The following LRFN5 variants were observed in gnomAD, a reference collection of about 807,000 sequenced individuals.
The protein encoded by LRFN5 is leucine rich repeat and fibronectin type III domain containing 5.
Under a neutral mutation model 45.6 loss-of-function variants are expected in LRFN5, and 24 were observed. That is an observed-to-expected ratio of 0.53 (90% CI 0.38 to 0.74). LRFN5 has a LOEUF of 0.74. Among genes scored for constraint, LRFN5 ranks in the 30% least tolerant of loss-of-function variants. The pLI is 0.00. For synonymous variants in LRFN5, 340 were observed against 313.8 expected, an observed-to-expected ratio of 1.08 and a Z score of -0.88; for missense variants, 776 against 861.5, an observed-to-expected ratio of 0.90 and a Z score of 1.24.
intron 2 of LRFN5, among the ~76,000 whole-genome samples, chr14:41,823,572 G>A (rs1200001065): frequency 1.3e-5 from 2 of 152,002 alleles, no homozygotes; most frequent in East Asian, 3.9e-4. Context: ...GCTGGTTCAG[G>A]ACTTTTTCTT....
chr14:41,791,077 T>C (rs1886902261), intron 2 of LRFN5, among the ~76,000 whole-genome samples: 1 of 151,944 alleles, frequency 6.6e-6, no homozygotes, highest in Non-Finnish European at 1.5e-5. Flanking sequence ...TGCTATTTGG[T>C]GATTAAAGAT....
chr14:41,867,362 G>GTT (rs1055009051), intron 2 of LRFN5, among the ~76,000 whole-genome samples: 23 of 152,030 alleles, frequency 1.5e-4, no homozygotes, highest in African/African-American at 5.6e-4. Context: ...CTGTGTGTGT[G>GTT]TGTGGAGGGT....
chr14:41,818,286 A>G (rs1244055269), intron 2 of LRFN5, among the ~76,000 whole-genome samples: 1 of 151,864 alleles, frequency 6.6e-6, no homozygotes, highest in African/African-American at 2.4e-5. Context: ...AATTCATGGT[A>G]CTATTTTTTC....
intron 1 of LRFN5, among the ~76,000 whole-genome samples, chr14:41,639,008 CATT>C (rs1879437491): frequency 6.6e-6 from 1 of 151,870 alleles, no homozygotes. Flanking sequence ...AGGTTGGTGT[CATT>C]ATATTTACAG....
intron 1 of LRFN5, among the ~76,000 whole-genome samples, chr14:41,640,402 G>A (rs1040856338): frequency 6.6e-6 from 1 of 152,004 alleles, no homozygotes. Context: ...CCATATATTC[G>A]TGTAGCTCTA....
chr14:41,899,811 T>G lies in LRFN5; in HGVS notation c.2142+851T>G, dbSNP rs116661375. Among the ~76,000 whole-genome samples, 296 of 152,310 alleles carry G rather than the reference T, an allele frequency of 1.9e-3. 3 individuals are homozygous for G. Among genetic ancestry groups the G allele is most frequent in the African/African-American group, 5.1e-3 (212 of 41,586 alleles). On this transcript the variant is annotated intron_variant, in intron 5 of 5. Coordinates refer to ENST00000298119, the MANE Select transcript of LRFN5 (RefSeq NM_152447.5). The stretch of plus-strand genomic sequence containing the variant: ...AATGAATTCTATCCACAAATCAAAA[T>G]GTTTTCATGCATCATTTCTTTACTG...
chr14:41,894,186 A>G, intron 4 of LRFN5: 1 of 985,242 alleles, frequency 1.0e-6, no homozygotes, highest in Non-Finnish European at 1.2e-6. Flanking sequence ...GATCAAAGAT[A>G]AGGATGCTCT....
chr14:41,625,192 T>G (rs1022150284), intron 1 of LRFN5, among the ~76,000 whole-genome samples: 2 of 152,134 alleles, frequency 1.3e-5, no homozygotes, highest in African/African-American at 4.8e-5. Context: ...AACGTTGATA[T>G]GGTTTGGCTT....
At chr14:41,774,311 A>G (rs1886199469) in intron 2 of LRFN5, among the ~76,000 whole-genome samples, 1 of 152,220 alleles carries the variant, frequency 6.6e-6, no homozygotes, top group South Asian at 2.1e-4. Flanking sequence ...ACTACAGACT[A>G]CACTATGGAG....
At chr14:41,775,463 A>G (rs1202184305) in intron 2 of LRFN5, among the ~76,000 whole-genome samples, 1 of 152,198 alleles carries the variant, frequency 6.6e-6, no homozygotes, top group South Asian at 2.1e-4. Flanking sequence ...ATCCATAATA[A>G]GAATCTGGCT....
chr14:41,699,188 A>G (rs1432323438), intron 1 of LRFN5, among the ~76,000 whole-genome samples: 1 of 152,086 alleles, frequency 6.6e-6, no homozygotes, highest in Non-Finnish European at 1.5e-5. Flanking sequence ...TATTAAAATG[A>G]ATATTCTTAC....
chr14:41,848,568 G>A (rs1208309327), intron 2 of LRFN5, among the ~76,000 whole-genome samples: 1 of 151,958 alleles, frequency 6.6e-6, no homozygotes. Flanking sequence ...TGTTTAGACT[G>A]TAGGAAAGTC....
At chr14:41,741,583 A>G (rs1884693928) in intron 1 of LRFN5, among the ~76,000 whole-genome samples, 1 of 151,746 alleles carries the variant, frequency 6.6e-6, no homozygotes, top group Admixed American at 6.7e-5. Context: ...GACTGAATCA[A>G]TAAATCTACT....
At chr14:41,739,385 AATCATCATC>A (rs60722886) in intron 1 of LRFN5, among the ~76,000 whole-genome samples, 179 of 148,422 alleles carry the variant, frequency 1.2e-3, no homozygotes, top group African/African-American at 3.7e-3. Context: ...ACATTGTGTC[AATCATCATC>A]ATCATCATCA....
chr14:41,846,679 T>G (rs61988416), intron 2 of LRFN5, among the ~76,000 whole-genome samples: 1 of 152,190 alleles, frequency 6.6e-6, no homozygotes, highest in Non-Finnish European at 1.5e-5. Flanking sequence ...AGCATAGAAG[T>G]CTGCTTTGGA....
At chr14:41,798,916 T>C (rs1397952580) in intron 2 of LRFN5, among the ~76,000 whole-genome samples, 2 of 152,038 alleles carry the variant, frequency 1.3e-5, no homozygotes, top group Admixed American at 6.6e-5. Context: ...TTTATCTCTC[T>C]GTAATATATG....
At chr14:41,709,350 A>T (rs1015552860) in intron 1 of LRFN5, among the ~76,000 whole-genome samples, 3 of 152,024 alleles carry the variant, frequency 2.0e-5, no homozygotes, top group Non-Finnish European at 2.9e-5. Flanking sequence ...GCAAAATGAG[A>T]TGACCTAACC....
chr14:41,608,353 C>T lies in LRFN5; in HGVS notation c.-406C>T. 6.5e-6 allele frequency: 1 copy of T among 152,926 alleles called. No homozygotes were observed. Among genetic ancestry groups the T allele is most frequent in the Non-Finnish European group, 1.5e-5 (1 of 68,150 alleles). 9.5% of individuals were successfully genotyped at this position (152,926 alleles called of 1,614,324 possible). A position where few individuals can be genotyped will look rare whatever the true frequency, so the allele number is the denominator to read the frequency against. ...TCATGGGGCGATTGCAGCGATTCCC[C>T]CACCCAGAGCGACCTGCGGGCAGCG... is the stretch of plus-strand genomic sequence containing the variant. On this transcript the variant is annotated 5_prime_UTR_variant, in exon 1 of 6. Transcript: ENST00000298119.
At chr14:41,840,256 A>G (rs1418162579) in intron 2 of LRFN5, among the ~76,000 whole-genome samples, 3 of 152,120 alleles carry the variant, frequency 2.0e-5, no homozygotes, top group African/African-American at 4.8e-5. Context: ...TCACCAATGT[A>G]AAACTATCAG....
Sources: allele counts gnomAD v4.1 joint callset (sites outside exome capture counted in the v4.1 genomes callset), GRCh38; gene constraint gnomAD v4.1.1; transcripts MANE v1.5; gene names NCBI Gene and HGNC (gene_info 2026-07-23, HGNC 2026-07-21).